Variants in LRRC4C observed in about 807,000 individuals in gnomAD.
The protein encoded by LRRC4C is leucine rich repeat containing 4C.
Under a neutral mutation model 33.6 loss-of-function variants are expected in LRRC4C, and 5 were observed. The observed-to-expected ratio is 0.15, with a 90% CI of 0.08 to 0.31. The LOEUF (loss-of-function observed/expected upper bound fraction) is 0.31. Ranked by LOEUF, LRRC4C falls within the 10% of genes least tolerant of loss-of-function variation. LRRC4C has a pLI of 1.00. For missense variants in LRRC4C, 560 were observed against 796.7 expected, an observed-to-expected ratio of 0.70 and a Z score of 3.58; for synonymous variants, 329 against 302.0, an observed-to-expected ratio of 1.09 and a Z score of -0.93.
chr11:40,838,099 G>A (rs949849683), intron 2 of LRRC4C, among the ~76,000 whole-genome samples: 2 of 152,102 alleles, frequency 1.3e-5, no homozygotes, highest in African/African-American at 4.8e-5. Context: ...AACTCTACTG[G>A]TATTTTTAAT....
chr11:40,155,733 A>C (rs1460637799), intron 5 of LRRC4C, among the ~76,000 whole-genome samples: 2 of 152,166 alleles, frequency 1.3e-5, no homozygotes, highest in Non-Finnish European at 2.9e-5. Context: ...AACAAAAAAA[A>C]GTCCAAGACC....
At chr11:41,261,410 G>T (rs962243639) in intron 1 of LRRC4C, among the ~76,000 whole-genome samples, 2 of 151,978 alleles carry the variant, frequency 1.3e-5, no homozygotes, top group African/African-American at 4.8e-5. Context: ...TCTCTGAACT[G>T]GGTGACATTA....
At chr11:41,098,700 T>C (rs561478034) in intron 1 of LRRC4C, among the ~76,000 whole-genome samples, 1 of 152,200 alleles carries the variant, frequency 6.6e-6, no homozygotes, top group Middle Eastern at 3.4e-3. Context: ...GGGAAAAACT[T>C]ATAAATTGAA....
intron 3 of LRRC4C, among the ~76,000 whole-genome samples, chr11:40,371,565 TA>T (rs1252385193): frequency 6.6e-6 from 1 of 152,212 alleles, no homozygotes; most frequent in African/African-American, 2.4e-5. Flanking sequence ...TTGCTGAGTT[TA>T]AAGGCTCTTG....
chr11:40,463,867 G>A (rs1371676), intron 3 of LRRC4C, among the ~76,000 whole-genome samples: 1,726 of 152,076 alleles, frequency 0.011, 77 homozygotes, highest in East Asian at 0.079. Flanking sequence ...AATATCTATA[G>A]CAGTCTATAG....
intron 3 of LRRC4C, among the ~76,000 whole-genome samples, chr11:40,413,229 T>C (rs971134398): frequency 8.5e-5 from 13 of 152,114 alleles, no homozygotes; most frequent in Admixed American, 8.5e-4. Flanking sequence ...TGGAAAGGCC[T>C]AGCAGGAAGA....
At chr11:41,411,655 A>C (rs1591461053) in intron 1 of LRRC4C, among the ~76,000 whole-genome samples, 1 of 152,344 alleles carries the variant, frequency 6.6e-6, no homozygotes, top group East Asian at 1.9e-4. Flanking sequence ...GTTTTTCTCA[A>C]CATCCTTTCT....
At chr11:41,408,672 T>C (rs957072323) in intron 1 of LRRC4C, among the ~76,000 whole-genome samples, 2 of 151,556 alleles carry the variant, frequency 1.3e-5, no homozygotes, top group African/African-American at 2.4e-5. Flanking sequence ...TCTATGTTTA[T>C]GGGTCAAAAA....
At chr11:41,002,678 C>A (rs922021686) in intron 1 of LRRC4C, among the ~76,000 whole-genome samples, 10 of 152,034 alleles carry the variant, frequency 6.6e-5, no homozygotes, top group African/African-American at 2.2e-4. Context: ...AGTAGCATGC[C>A]TTAATATTTC....
intron 2 of LRRC4C, among the ~76,000 whole-genome samples, chr11:40,698,597 G>T (rs1271908326): frequency 6.6e-6 from 1 of 152,130 alleles, no homozygotes; most frequent in Non-Finnish European, 1.5e-5. Context: ...AAAGAAGGAA[G>T]GGGAAGAAAA....
intron 2 of LRRC4C, among the ~76,000 whole-genome samples, chr11:40,754,017 C>G (rs530935216): frequency 6.6e-6 from 1 of 151,982 alleles, no homozygotes. Context: ...TATATACACA[C>G]ACACATTCTG....
In LRRC4C at chr11:40,531,941, C is replaced by T. The variant is rs186416447; in HGVS notation, c.-270+116201G>A. On this transcript the variant is annotated intron_variant, in intron 3 of 6. Coordinates refer to ENST00000528697, the MANE Select transcript of LRRC4C (RefSeq NM_001258419.2). ...AGAAAGGATTTTGATATAGGAATGA[C>T]GTAACTGTGCTTGGGATTTTTCATA... 2.4e-4 allele frequency among the ~76,000 whole-genome samples: 36 copies of T among 149,396 alleles called. No homozygotes were observed. The East Asian group carries it at 3.5e-3, about 15-fold the overall frequency.
intron 2 of LRRC4C, among the ~76,000 whole-genome samples, chr11:40,665,324 AAATATATATATATATAT>A (rs1943707656): frequency 9.7e-5 from 1 of 10,310 alleles, no homozygotes; most frequent in Non-Finnish European, 1.9e-4. Flanking sequence ...AAAAAAAAAA[AAATATATATATATATAT>A]ATATATATAT....
At position 41,049,554 on chromosome 11, in the gene LRRC4C, A is replaced by G. The variant is rs536909894; in HGVS notation, c.-495-115831T>C. On this transcript the variant is annotated intron_variant, in intron 1 of 6. Transcript: ENST00000528697. Reference sequence around the variant, plus strand: ...TGGGTTGGGTAGAAGCAAACATGGAACCACAGAGAATGGTTGCTGAGAAGT... The same window carrying G: ...TGGGTTGGGTAGAAGCAAACATGGAGCCACAGAGAATGGTTGCTGAGAAGT... Among the ~76,000 whole-genome samples, 103 of 152,336 alleles carry G rather than the reference A, an allele frequency of 6.8e-4. 1 individual carries two copies. Among genetic ancestry groups the G allele is most frequent in the African/African-American group, 2.4e-3 (99 of 41,584 alleles).
At position 40,633,349 on chromosome 11, in the gene LRRC4C, CTTTCTTTCTTTCTTTCTTTCTT is replaced by C. The variant is rs1420512558; in HGVS notation, c.-270+14771_-270+14792del. ...TTTTTCTTTCTTTCTTTCTTTCTTTCTTTCTTTCTTTCTTTCTTTCTTTCTCTCTCTTTCTTTCTTTCTTTCT... is the reference window on the plus strand; with the variant it reads ...TTTTTCTTTCTTTCTTTCTTTCTTTCTCTCTCTCTTTCTTTCTTTCTTTCT... On this transcript the variant is annotated intron_variant, in intron 3 of 6. Coordinates refer to ENST00000528697, the MANE Select transcript of LRRC4C (RefSeq NM_001258419.2). Among the ~76,000 whole-genome samples the C allele has an allele frequency of 1.2e-3, 102 of 84,868 alleles. 1 individual carries two copies. Among genetic ancestry groups the C allele is most frequent in the African/African-American group, 3.7e-3 (93 of 25,138 alleles). 55.7% of individuals were successfully genotyped at this position (84,868 alleles called of 152,430 possible).
At chr11:40,762,201 G>A (rs1949248966) in intron 2 of LRRC4C, among the ~76,000 whole-genome samples, 1 of 152,146 alleles carries the variant, frequency 6.6e-6, no homozygotes, top group Admixed American at 6.6e-5. Flanking sequence ...GGCCTGTGGA[G>A]AAATGTAACA....
chr11:40,962,638 T>C (rs761796004), intron 1 of LRRC4C, among the ~76,000 whole-genome samples: 28 of 151,628 alleles, frequency 1.8e-4, no homozygotes, highest in Non-Finnish European at 3.1e-4. Context: ...CTAGCCAAAC[T>C]AGAAAAGTAA....
intron 1 of LRRC4C, among the ~76,000 whole-genome samples, chr11:40,959,276 A>T (rs1959092504): frequency 6.6e-6 from 1 of 151,626 alleles, no homozygotes; most frequent in Non-Finnish European, 1.5e-5. Flanking sequence ...GTCTCATAGA[A>T]TTACCTAATT....
intron 3 of LRRC4C, among the ~76,000 whole-genome samples, chr11:40,501,954 C>T (rs978590140): frequency 6.6e-6 from 1 of 152,102 alleles, no homozygotes; most frequent in African/African-American, 2.4e-5. Context: ...TTAGCAACAC[C>T]CAAGTCACCT....
Sources: gnomAD v4.1 joint callset for allele counts (sites outside exome capture counted in the v4.1 genomes callset) on GRCh38, gnomAD v4.1.1 for gene constraint, MANE v1.5 for transcripts, NCBI Gene and HGNC (gene_info 2026-07-23, HGNC 2026-07-21) for gene names.